The following GABRG2 variants were observed in gnomAD, a reference collection of about 807,000 sequenced individuals.
GABRG2 encodes the protein gamma-aminobutyric acid receptor subunit gamma-2.
GABRG2 carries 16 observed loss-of-function variants against 56.4 expected under a neutral mutation model. The ratio of observed to expected loss-of-function variants is 0.28; its 90% confidence interval spans 0.19 to 0.43. The LOEUF is 0.43. GABRG2 is among the 20% of genes least tolerant of loss of function. GABRG2 has a pLI of 1.00. For missense variants in GABRG2, 327 were observed against 582.7 expected, an observed-to-expected ratio of 0.56 and a Z score of 4.52; for synonymous variants, 208 against 205.5, an observed-to-expected ratio of 1.01 and a Z score of -0.10.
chr5:162,094,051 T>A, intron 2 of GABRG2, 72 bp downstream of exon 2: 2 of 1,479,026 alleles, frequency 1.4e-6, no homozygotes, highest in Non-Finnish European at 1.9e-6. Flanking sequence ...AGATAAAACA[T>A]CAGTGTAGTT....
intron 1 of GABRG2, among the ~76,000 whole-genome samples, chr5:162,088,302 G>T (rs1174735712): frequency 1.3e-5 from 2 of 152,084 alleles, no homozygotes; most frequent in Non-Finnish European, 2.9e-5. Flanking sequence ...CACCTACTCT[G>T]CCTGTTCCTA....
At chr5:162,094,216 CA>C (rs1760830977) in intron 2 of GABRG2, 1 of 497,404 alleles carries the variant, frequency 2.0e-6, no homozygotes, top group African/African-American at 1.9e-5. Context: ...TAGAAATTCA[CA>C]TATTGCTAGA....
intron 1 of GABRG2, among the ~76,000 whole-genome samples, chr5:162,069,200 T>G (rs1758474016): frequency 6.6e-6 from 1 of 152,148 alleles, no homozygotes; most frequent in Non-Finnish European, 1.5e-5. Context: ...CCTAAGCACC[T>G]TCCCCGCTCT....
rs1765460936 is a variant in GABRG2 at position 162,152,711 on chromosome 5, T to G, written c.1153-382T>G. On this transcript the variant is annotated intron_variant, in intron 9 of 9. Transcript: ENST00000639213. ...ATATTTGATTTCAGAATTGATGCAT[T>G]TTTATTTCTCTGTTCCACTCACATG... The G allele has an allele frequency of 6.7e-6, 3 of 445,514 alleles. No homozygotes were observed. The South Asian group carries it at 9.7e-5, about 14-fold the overall frequency. 27.6% of individuals were successfully genotyped at this position (445,514 alleles called of 1,614,324 possible). A position where few individuals can be genotyped will look rare whatever the true frequency, so the allele number is the denominator to read the frequency against.
At chr5:162,151,658 TTTTTTTTTCA>T in intron 8 of GABRG2, 62 bp from the exon 9 acceptor site, 1 of 1,259,422 alleles carries the variant, frequency 7.9e-7, no homozygotes, top group Non-Finnish European at 1.1e-6. Context: ...TGTCTCTCTC[TTTTTTTTTCA>T]TTTTTTTTCT....
At chr5:162,152,331 G>C in intron 9 of GABRG2, 1 of 305,256 alleles carries the variant, frequency 3.3e-6, no homozygotes, top group South Asian at 3.3e-5. Flanking sequence ...AGCTGATTCT[G>C]AGACGTTAGA....
At chr5:162,088,098 C>T (rs1760270551) in intron 1 of GABRG2, among the ~76,000 whole-genome samples, 1 of 152,052 alleles carries the variant, frequency 6.6e-6, no homozygotes, top group Non-Finnish European at 1.5e-5. Context: ...ATTTGCATGT[C>T]CTTACTGGGA....
chr5:162,088,985 A>C (rs1156887215), intron 1 of GABRG2, among the ~76,000 whole-genome samples: 1 of 152,296 alleles, frequency 6.6e-6, no homozygotes, highest in Admixed American at 6.6e-5. Flanking sequence ...TAGTTTAGTA[A>C]TGAAGACAGA....
chr5:162,139,974 A>G (rs1477082622), intron 6 of GABRG2, among the ~76,000 whole-genome samples: 3 of 152,208 alleles, frequency 2.0e-5, no homozygotes, highest in Admixed American at 2.0e-4. Context: ...GGTCATCTCA[A>G]ATTAAATCTT....
chr5:162,135,182 A>C (rs1055637201), intron 6 of GABRG2, among the ~76,000 whole-genome samples: 10 of 151,832 alleles, frequency 6.6e-5, no homozygotes, highest in Non-Finnish European at 1.0e-4. Flanking sequence ...TTTACTAAAC[A>C]TAATGCAGCC....
At chr5:162,120,023 G>A (rs1021836744) in intron 6 of GABRG2, among the ~76,000 whole-genome samples, 2 of 152,034 alleles carry the variant, frequency 1.3e-5, no homozygotes, top group Admixed American at 1.3e-4. Flanking sequence ...GACAGAGGCT[G>A]GTGGGAGAAA....
intron 6 of GABRG2, among the ~76,000 whole-genome samples, chr5:162,113,365 C>A (rs1581385676): frequency 6.6e-6 from 1 of 152,170 alleles, no homozygotes; most frequent in East Asian, 1.9e-4. Context: ...TTTATCCACT[C>A]CAAAATTAAC....
intron 6 of GABRG2, among the ~76,000 whole-genome samples, chr5:162,120,902 T>C (rs190687556): frequency 6.6e-6 from 1 of 152,252 alleles, no homozygotes; most frequent in Admixed American, 6.6e-5. Flanking sequence ...ACCAAGATAT[T>C]ATTCAATTAG....
Position 162,093,963 on chromosome 5 carries a change from T to C in GABRG2, c.243T>C (p.Leu81=), listed in dbSNP as rs143295869. 6.2e-7 allele frequency: 1 copy of C among 1,613,258 alleles called. No individual in the cohort carries two copies. The highest frequency in any genetic ancestry group is 1.3e-5 in the African/African-American group (1 of 74,978). Residue 81 remains leucine, a synonymous_variant, in exon 2 of 10, where the codon CTT becomes CTC. Transcript: ENST00000639213. ...TGCTGGAAGGATATGACAATAAACT[T>C]CGGCCTGATATAGGAGGTTTGTTAA... ...NNLLEGYDNK[L]RPDIGVKPTL...
chr5:162,143,312 G>A (rs1764720241), intron 7 of GABRG2, among the ~76,000 whole-genome samples: 1 of 151,946 alleles, frequency 6.6e-6, no homozygotes, highest in Non-Finnish European at 1.5e-5. Context: ...ACAGAACAGC[G>A]ATGGAAAAAA....
chr5:162,124,289 C>A (rs973132057), intron 6 of GABRG2, among the ~76,000 whole-genome samples: 3 of 151,828 alleles, frequency 2.0e-5, no homozygotes, highest in Non-Finnish European at 4.4e-5. Context: ...TAGAAAAATA[C>A]AACAAATAAA....
At chr5:162,086,863 A>G (rs776296574) in intron 1 of GABRG2, among the ~76,000 whole-genome samples, 9 of 151,894 alleles carry the variant, frequency 5.9e-5, no homozygotes, top group Non-Finnish European at 8.8e-5. Context: ...CTTGAGTTCT[A>G]TTTTTTCCTG....
Position 162,153,621 on chromosome 5 carries a change from C to T in GABRG2, c.*253C>T, listed in dbSNP as rs1765527553. 1.8e-6 allele frequency: 1 copy of T among 570,110 alleles called. No homozygotes were observed. The highest frequency in any genetic ancestry group is 1.9e-5 in the African/African-American group (1 of 53,150). 35.3% of individuals were successfully genotyped at this position (570,110 alleles called of 1,614,324 possible). A position where few individuals can be genotyped will look rare whatever the true frequency, so the allele number is the denominator to read the frequency against. ...TAAAATTAGAGCAAGAACATTCAAA[C>T]CAAATAAGATATTTTTCAGCTACAG... On this transcript the variant is annotated 3_prime_UTR_variant, in exon 10 of 10. Transcript: ENST00000639213.
At chr5:162,104,773 G>C (rs115558352) in intron 6 of GABRG2, among the ~76,000 whole-genome samples, 1 of 152,096 alleles carries the variant, frequency 6.6e-6, no homozygotes, top group African/African-American at 2.4e-5. Flanking sequence ...TTTAAGACAA[G>C]CTAAAAGTAA....
Sources: allele counts gnomAD v4.1 joint callset (sites outside exome capture counted in the v4.1 genomes callset), GRCh38; gene constraint gnomAD v4.1.1; transcripts MANE v1.5; gene names NCBI Gene and HGNC (gene_info 2026-07-23, HGNC 2026-07-21).